DUOX1: variants seen among roughly 807,000 people sequenced by gnomAD.
DUOX1 encodes NADPH thyroid oxidase 1.
Under a neutral mutation model 181.8 loss-of-function variants are expected in DUOX1, and 134 were observed. The ratio of observed to expected loss-of-function variants is 0.74; its 90% CI spans 0.64 to 0.85. DUOX1 has a LOEUF of 0.85. DUOX1 is among the 40% of genes least tolerant of loss of function. The pLI is 0.00. For synonymous variants in DUOX1, 798 were observed against 832.5 expected, an observed-to-expected ratio of 0.96 and a Z score of 0.71; for missense variants, 1,814 against 2,064.4, an observed-to-expected ratio of 0.88 and a Z score of 2.35.
At chr15:45,157,545 C>T (rs1287205105) in intron 28 of DUOX1, among the ~76,000 whole-genome samples, 1 of 152,166 alleles carries the variant, frequency 6.6e-6, no homozygotes, top group East Asian at 1.9e-4. Flanking sequence ...TGTGGCCGGG[C>T]ACAGTGGCTC....
Position 45,148,438 on chromosome 15 carries a change from T to G in DUOX1, c.2809T>G (p.Cys937Gly). The part of the protein sequence containing the change: ...HNSELRFTQL[C>G]VKGVEVPEVI... ...TAGCGAGCTCCGCTTCACGCAGCTC[T>G]GTGTCAAAGGTGGGGCAGCCTGGTA... The change falls in exon 21 of 34, where the codon TGT becomes GGT. Residue 937 changes from cysteine (C) to glycine (G), a missense_variant. Around this residue, in one of 5 missense-constraint regions of DUOX1, gnomAD observed 1,064 missense variants for 1,152.9 expected, o/e 0.92. Transcript: ENST00000389037. 2 of 1,612,232 alleles carry G rather than the reference T, an allele frequency of 1.2e-6. No individual in the cohort carries two copies. Among genetic ancestry groups the G allele is most frequent in the Non-Finnish European group, 1.7e-6 (2 of 1,178,696 alleles).
chr15:45,132,255 C>G (rs1896176375), intron 2 of DUOX1, among the ~76,000 whole-genome samples: 1 of 152,226 alleles, frequency 6.6e-6, no homozygotes, highest in African/African-American at 2.4e-5. Flanking sequence ...CTGCTGTCAG[C>G]ACTTTCTCTT....
rs1302440845 is a variant in DUOX1 at position 45,141,026 on chromosome 15, G to A, written c.1521G>A (p.Arg507=). Residue 507 remains arginine, a synonymous_variant, in exon 13 of 34, where the codon CGG becomes CGA. Coordinates refer to ENST00000389037, the MANE Select transcript of DUOX1 (RefSeq NM_175940.3). ...CCATCGTCCTTGAACAATTTGTGCG[G>A]CTACGGGATGGTGACCGCTACTGGT... The part of the protein sequence containing the change: ...FSTIVLEQFV[R]LRDGDRYWFE... 6.2e-7 allele frequency: 1 copy of A among 1,614,106 alleles called. No homozygotes were observed. Among genetic ancestry groups the A allele is most frequent in the South Asian group, 1.1e-5 (1 of 91,088 alleles).
chr15:45,147,743 A>G lies in DUOX1; in HGVS notation c.2548+85A>G, dbSNP rs1896692016. 2.1e-5 allele frequency: 33 copies of G among 1,589,118 alleles called. 1 individual carries two copies. The South Asian group carries it at 3.7e-4, about 18-fold the overall frequency. Reference sequence around the variant, plus strand: ...AAGCCCTGGGACCAGGTCTCCAGCCATGGCAGATGCCCAGAAGTGCCCAGG... The same window carrying G: ...AAGCCCTGGGACCAGGTCTCCAGCCGTGGCAGATGCCCAGAAGTGCCCAGG... On this transcript the variant is annotated intron_variant, in intron 19 of 33. Transcript: ENST00000389037.
intron 1 of DUOX1, chr15:45,131,695 G>A (rs181257848): frequency 4.4e-5 from 21 of 480,576 alleles, no homozygotes; most frequent in Non-Finnish European, 7.5e-5. Flanking sequence ...TGTTTTGTTC[G>A]TCACTTAATC....
chr15:45,151,352 G>A (rs1696792926), intron 23 of DUOX1, 104 bp downstream of exon 23: 2 of 1,465,588 alleles, frequency 1.4e-6, no homozygotes, highest in Admixed American at 4.3e-5. Context: ...TGTGGGTACA[G>A]GCAGGGTGAA....
chr15:45,149,328 C>CT (rs1366797322), intron 21 of DUOX1, among the ~76,000 whole-genome samples: 3 of 152,154 alleles, frequency 2.0e-5, no homozygotes, highest in Non-Finnish European at 2.9e-5. Context: ...GATTCTGCAG[C>CT]TTTTTACCTT....
chr15:45,155,628 C>A, intron 27 of DUOX1, 174 bp from the exon 28 acceptor site: 1 of 795,628 alleles, frequency 1.3e-6, no homozygotes, highest in Non-Finnish European at 2.0e-6. Flanking sequence ...ACAATGTCTG[C>A]TGAAATGAAA....
chr15:45,134,888 A>G (rs1364023476), intron 4 of DUOX1, among the ~76,000 whole-genome samples: 2 of 152,210 alleles, frequency 1.3e-5, no homozygotes, highest in African/African-American at 4.8e-5. Context: ...GGAGAAAGCC[A>G]AACTGTCAAC....
chr15:45,139,531 G>A lies in DUOX1; in HGVS notation c.1321G>A (p.Ala441Thr), dbSNP rs766654295. 1.9e-6 allele frequency: 3 copies of A among 1,613,056 alleles called. No individual in the cohort carries two copies. Among genetic ancestry groups the A allele is most frequent in the Admixed American group, 3.4e-5 (2 of 59,682 alleles). Residue 441 changes from alanine (A) to threonine (T), a missense_variant, in exon 12 of 34, where the codon GCA becomes ACA. Around this residue, in one of 5 missense-constraint regions of DUOX1, gnomAD observed 1,064 missense variants for 1,152.9 expected, o/e 0.92. Coordinates refer to ENST00000389037, the MANE Select transcript of DUOX1 (RefSeq NM_175940.3). ...GCCCTCTTACACCAAGGCCAGGGCAGCACTGGGCTTGTCTCCCATTACCCG... is the reference window on the plus strand; with the variant it reads ...GCCCTCTTACACCAAGGCCAGGGCAACACTGGGCTTGTCTCCCATTACCCG... Reference protein sequence around the residue: ...GLPSYTKARAALGLSPITRWQ... With the variant: ...GLPSYTKARATLGLSPITRWQ...
At chr15:45,163,980 C>T (rs901940538) in intron 33 of DUOX1, 62 bp downstream of exon 33, 17 of 1,577,024 alleles carry the variant, frequency 1.1e-5, no homozygotes, top group Admixed American at 1.1e-4. Context: ...AGCAAAGCTC[C>T]CAAACCTTCC....
chr15:45,144,744 C>A, intron 17 of DUOX1, 151 bp from the exon 18 acceptor site: 1 of 796,986 alleles, frequency 1.3e-6, no homozygotes, highest in Non-Finnish European at 2.0e-6. Flanking sequence ...AGTCACTTAA[C>A]CCTACTGAGC....
At chr15:45,140,135 C>CAGGG in intron 12 of DUOX1, 1 of 996,750 alleles carries the variant, frequency 1.0e-6, no homozygotes, top group South Asian at 1.2e-5. Context: ...AACAGGGGTC[C>CAGGG]TGTTCAGCTG....
intron 25 of DUOX1, chr15:45,152,867 G>A (rs1896852210): frequency 9.8e-6 from 4 of 408,246 alleles, no homozygotes; most frequent in Middle Eastern, 7.5e-4. Flanking sequence ...AGACTCACAT[G>A]GTTGCGCACA....
chr15:45,160,156 A>G (rs753743948), intron 28 of DUOX1, among the ~76,000 whole-genome samples: 4 of 152,132 alleles, frequency 2.6e-5, no homozygotes, highest in Non-Finnish European at 5.9e-5. Context: ...TGTCCCCCCA[A>G]CCCCCAAAAA....
rs367852567 is a variant in DUOX1 at position 45,141,993 on chromosome 15, C to T, written c.1703C>T (p.Pro568Leu). 29 of 1,612,668 alleles carry T rather than the reference C, an allele frequency of 1.8e-5. No homozygotes were observed. The highest frequency in any genetic ancestry group is 6.7e-5 in the East Asian group (3 of 44,850). ...VWHKGDPCPQ[P>L]RQLSTEGLPA... is the part of the protein sequence containing the mutation. ...TTCCCAGGAGACCCCTGTCCGCAGC[C>T]GAGACAGCTCAGCACTGAAGGCCTG... The change falls in exon 15 of 34, where the codon CCG becomes CTG. Residue 568 changes from proline (P) to leucine (L), a missense_variant. This residue lies in a region of DUOX1 where 1,064 missense variants were observed against 1,152.9 expected (regional missense o/e 0.92). Coordinates refer to ENST00000389037, the MANE Select transcript of DUOX1 (RefSeq NM_175940.3).
At chr15:45,154,843 C>T (rs371526062) in intron 27 of DUOX1, among the ~76,000 whole-genome samples, 1 of 152,192 alleles carries the variant, frequency 6.6e-6, no homozygotes, top group Non-Finnish European at 1.5e-5. Flanking sequence ...TCTGCCCTGC[C>T]CTGGCTCCAG....
At position 45,143,220 on chromosome 15, in the gene DUOX1, G is replaced by A. The variant is rs376357055; in HGVS notation, c.1853G>A (p.Arg618Gln). 2.5e-5 allele frequency: 41 copies of A among 1,614,008 alleles called. No homozygotes were observed. In the African/African-American group the frequency reaches 3.7e-4, roughly 15 times the overall value. Residue 618 changes from arginine (R) to glutamine (Q), a missense_variant, in exon 16 of 34, where the codon CGG becomes CAG. By Grantham distance (43) the Arg-to-Gln change is conservative (BLOSUM62 1). This residue lies in a region of DUOX1 where 1,064 missense variants were observed against 1,152.9 expected (regional missense o/e 0.92). Transcript: ENST00000389037. ...VSLLSAWIVA[R>Q]LRMRNFKRLQ... The stretch of plus-strand genomic sequence containing the variant: ...CTGCTCAGTGCCTGGATTGTTGCCC[G>A]GCTCCGGATGAGAAATTTCAAGAGG...
rs769565267 is a variant in DUOX1, at chr15:45,139,025, A to G, written c.1114-41A>G. On this transcript the variant is annotated intron_variant, in intron 10 of 33. Coordinates refer to ENST00000389037, the MANE Select transcript of DUOX1 (RefSeq NM_175940.3). ...AGCCGGCTGTCTAACCTCTGACCCC[A>G]TTAACCACACCCCTTTCCTCCCCAC... 3.8e-6 allele frequency: 6 copies of G among 1,582,578 alleles called. No individual in the cohort carries two copies. In the Admixed American group the frequency reaches 5.1e-5, roughly 14 times the overall value.
Sources: gnomAD v4.1 joint callset for allele counts (sites outside exome capture counted in the v4.1 genomes callset) on GRCh38, gnomAD v4.1.1 for gene constraint, gnomAD v4.1.1 regional missense constraint, MANE v1.5 for transcripts, NCBI Gene and HGNC (gene_info 2026-07-23, HGNC 2026-07-21) for gene names.